DERL2: variants seen among roughly 807,000 people sequenced by gnomAD.
DERL2 encodes derlin-2.
In DERL2, 13 loss-of-function variants were observed where a neutral mutation model predicts 32.0. The ratio of observed to expected loss-of-function variants is 0.41; its 90% CI spans 0.26 to 0.65. The LOEUF (loss-of-function observed/expected upper bound fraction) is 0.65. Among genes scored for constraint, DERL2 ranks in the 30% least tolerant of loss-of-function variants. DERL2 has a pLI of 0.35. For missense variants in DERL2, 208 were observed against 296.3 expected, an observed-to-expected ratio of 0.70 and a Z score of 2.19; for synonymous variants, 111 against 104.7, an observed-to-expected ratio of 1.06 and a Z score of -0.37.
chr17:5,482,492 T>C (rs1221007037), intron 3 of DERL2: 2 of 217,764 alleles, frequency 9.2e-6, no homozygotes, highest in Non-Finnish European at 1.8e-5. Context: ...TGCATTCAGG[T>C]TGTTTTACGG....
chr17:5,481,444 T>C lies in DERL2; in HGVS notation c.234-55A>G, dbSNP rs1301045529. The C allele has an allele frequency of 4.1e-6, 5 of 1,230,024 alleles. No homozygotes were observed. The highest frequency in any genetic ancestry group is 6.0e-6 in the Non-Finnish European group (5 of 837,398). 76.2% of individuals were successfully genotyped at this position (1,230,024 alleles called of 1,614,324 possible). A position where few individuals can be genotyped will look rare whatever the true frequency, so the allele number is the denominator to read the frequency against. ...CACACGAATATGAACAAAGTAAAAA[T>C]TTAATGTTATCTTGTAAGTACACTT... is the stretch of plus-strand genomic sequence containing the variant. On this transcript the variant is annotated intron_variant, in intron 3 of 6. Coordinates refer to ENST00000158771, the MANE Select transcript of DERL2 (RefSeq NM_016041.5). This position sits in a 1 kb window ranked among gnomAD's most constrained non-coding sequence, Gnocchi z 4.4.
chr17:5,480,156 C>A lies in DERL2; in HGVS notation c.524-12G>T. 2 of 1,559,432 alleles carry A rather than the reference C, an allele frequency of 1.3e-6. No homozygotes were observed. The highest frequency in any genetic ancestry group is 1.8e-6 in the Non-Finnish European group (2 of 1,134,670). ...TCCAACTGCAATACCTAGAGTCAAG[C>A]AGAAATAAAGGATGAGGGAGAGAAT... On this transcript the variant is annotated splice_polypyrimidine_tract_variant and intron_variant, in intron 5 of 6. Coordinates refer to ENST00000158771, the MANE Select transcript of DERL2 (RefSeq NM_016041.5).
At chr17:5,479,969 G>C in intron 6 of DERL2, 85 bp downstream of exon 6, 2 of 806,982 alleles carry the variant, frequency 2.5e-6, no homozygotes, top group Non-Finnish European at 4.2e-6. Flanking sequence ...TGTGTACTAG[G>C]AGCTAGGGGA....
chr17:5,485,899 A>C, intron 1 of DERL2, 170 bp downstream of exon 1: 1 of 495,854 alleles, frequency 2.0e-6, no homozygotes, highest in South Asian at 3.7e-5. Context: ...TTCTCGCGTC[A>C]CTGGATAAGC....
intron 6 of DERL2, among the ~76,000 whole-genome samples, chr17:5,478,245 T>G (rs999440046): frequency 1.3e-5 from 2 of 151,932 alleles, no homozygotes; most frequent in Non-Finnish European, 2.9e-5. Flanking sequence ...CTTGGTGGTG[T>G]GCACCTGTAG....
chr17:5,476,931 C>T (rs543161819), intron 6 of DERL2, among the ~76,000 whole-genome samples: 71 of 152,196 alleles, frequency 4.7e-4, no homozygotes, highest in African/African-American at 1.5e-3. Context: ...GATGTTAGCC[C>T]GAGTAGGATG....
chr17:5,476,915 T>C (rs1006620911), intron 6 of DERL2, among the ~76,000 whole-genome samples: 2 of 152,188 alleles, frequency 1.3e-5, no homozygotes, highest in Non-Finnish European at 2.9e-5. Context: ...GGAGGTGGCC[T>C]GACGAGATGT....
chr17:5,473,849 A>G lies in DERL2; in HGVS notation c.*835T>C, dbSNP rs552388200. ...ATAAAAGAAAAAAAAAGTCTAATGA[A>G]AATCTTCCTAGTTTTACAAAAATGT... On this transcript the variant is annotated 3_prime_UTR_variant, in exon 7 of 7. Coordinates refer to ENST00000158771, the MANE Select transcript of DERL2 (RefSeq NM_016041.5). 3 of 152,252 alleles carry G rather than the reference A, an allele frequency of 2.0e-5. No individual in the cohort carries two copies. The highest frequency in any genetic ancestry group is 7.2e-5 in the African/African-American group (3 of 41,546). The allele number at this position is 152,252 out of a possible 1,614,324, so 9.4% of individuals were successfully genotyped here. A position where few individuals can be genotyped will look rare whatever the true frequency, so the allele number is the denominator to read the frequency against.
rs751485746 is a variant in DERL2, at chr17:5,486,148, C to T, written c.14G>A (p.Ser5Asn). The T allele has an allele frequency of 6.2e-6, 10 of 1,609,480 alleles. No homozygotes were observed. Among genetic ancestry groups the T allele is most frequent in the Non-Finnish European group, 8.5e-6 (10 of 1,178,026 alleles). MAYQ[S>N]LRLEYLQIPP... ...GATCTGCAGGTACTCCAGCCGCAAG[C>T]TCTGGTACGCCATCTTCCCCACCGT... The change falls in exon 1 of 7, where the codon AGC (serine) becomes AAC (asparagine). Residue 5 changes from serine to asparagine, a missense_variant. Transcript: ENST00000158771.
At chr17:5,477,412 T>C (rs1567610531) in intron 6 of DERL2, among the ~76,000 whole-genome samples, 3 of 152,240 alleles carry the variant, frequency 2.0e-5, no homozygotes, top group Non-Finnish European at 2.9e-5. Flanking sequence ...GGTAATTTTC[T>C]GTCTTGATAG....
chr17:5,485,067 G>A, intron 2 of DERL2, 84 bp downstream of exon 2: 1 of 961,096 alleles, frequency 1.0e-6, no homozygotes. Flanking sequence ...TCTTTTTTAG[G>A]ATAGTGTATA....
chr17:5,473,646 A>G lies in DERL2; in HGVS notation c.*1038T>C, dbSNP rs1184191233. 9.2e-6 allele frequency: 1 copy of G among 108,928 alleles called. No homozygotes were observed. Among genetic ancestry groups the G allele is most frequent in the Non-Finnish European group, 1.7e-5 (1 of 59,484 alleles). The allele number at this position is 108,928 out of a possible 1,614,324, so 6.7% of individuals were successfully genotyped here. A position where few individuals can be genotyped will look rare whatever the true frequency, so the allele number is the denominator to read the frequency against. ...AAAAAAACAAAAAACAAAACAAAAC[A>G]AAAAAGGCAAAAAAAAAAAAAATGG... is the stretch of plus-strand genomic sequence containing the variant. On this transcript the variant is annotated 3_prime_UTR_variant, in exon 7 of 7. Transcript: ENST00000158771.
intron 6 of DERL2, among the ~76,000 whole-genome samples, chr17:5,478,857 T>C (rs1905567528): frequency 6.6e-6 from 1 of 152,184 alleles, no homozygotes; most frequent in African/African-American, 2.4e-5. Flanking sequence ...TGCCACTCTG[T>C]CCCCCAGCCC....
Position 5,480,861 on chromosome 17 carries a change from T to C in DERL2, c.328-279A>G, listed in dbSNP as rs187970288. 8.3e-4 allele frequency: 378 copies of C among 455,542 alleles called. 1 individual carries two copies. The highest frequency in any genetic ancestry group is 6.6e-3 in the African/African-American group (322 of 49,040). 28.2% of individuals were successfully genotyped at this position (455,542 alleles called of 1,614,324 possible). A position where few individuals can be genotyped will look rare whatever the true frequency, so the allele number is the denominator to read the frequency against. On this transcript the variant is annotated intron_variant, in intron 4 of 6. Transcript: ENST00000158771. ...GAAAATGTGTTAATTCTTCAGTCAATAATTATATTAAAGCTTGCTCACGAT... is the reference window on the plus strand; with the variant it reads ...GAAAATGTGTTAATTCTTCAGTCAACAATTATATTAAAGCTTGCTCACGAT...
At chr17:5,476,446 G>A (rs1240963746) in intron 6 of DERL2, among the ~76,000 whole-genome samples, 1 of 152,162 alleles carries the variant, frequency 6.6e-6, no homozygotes, top group Non-Finnish European at 1.5e-5. Flanking sequence ...CAATAAACGT[G>A]AGAATGTTTG....
chr17:5,474,146 G>GT lies in DERL2; in HGVS notation c.*537dup, dbSNP rs1355451603. On this transcript the variant is annotated 3_prime_UTR_variant, in exon 7 of 7. Transcript: ENST00000158771. The surrounding 1 kb of genome is among the most constrained non-coding windows in gnomAD (Gnocchi z 4.3). ...TACACAACCACAGCATGACAGCCACGTATTTCCAATCCTGAAATGAAATCC... is the reference window on the plus strand; with the variant it reads ...TACACAACCACAGCATGACAGCCACGTTATTTCCAATCCTGAAATGAAATCC... 1 of 152,192 alleles carries GT rather than the reference G, an allele frequency of 6.6e-6. No individual in the cohort carries two copies. 9.4% of individuals were successfully genotyped at this position (152,192 alleles called of 1,614,324 possible). A position where few individuals can be genotyped will look rare whatever the true frequency, so the allele number is the denominator to read the frequency against.
chr17:5,475,405 G>A (rs909094474), intron 6 of DERL2, among the ~76,000 whole-genome samples: 8 of 151,638 alleles, frequency 5.3e-5, no homozygotes, highest in Admixed American at 3.9e-4. Context: ...GATTACAGGC[G>A]CCCGCCACCA....
chr17:5,480,619 A>C (rs1905713272), intron 4 of DERL2, 37 bp from the exon 5 acceptor site: 3 of 1,443,528 alleles, frequency 2.1e-6, no homozygotes, highest in Non-Finnish European at 2.7e-6. Context: ...CAACATTAAA[A>C]GTTTAATAGG....
chr17:5,471,537 G>T lies in DERL2; in HGVS notation c.*3147C>A, dbSNP rs1050382127. On this transcript the variant is annotated 3_prime_UTR_variant, in exon 7 of 7. Coordinates refer to ENST00000158771, the MANE Select transcript of DERL2 (RefSeq NM_016041.5). ...GATTTTTTGAGGAATCAGGAACAAG[G>T]CCAGGCCTTGAAGAACTGAAGAGAC... is the stretch of plus-strand genomic sequence containing the variant. 1 of 152,188 alleles carries T rather than the reference G, an allele frequency of 6.6e-6. No homozygotes were observed. Among genetic ancestry groups the T allele is most frequent in the Non-Finnish European group, 1.5e-5 (1 of 68,038 alleles). 9.4% of individuals were successfully genotyped at this position (152,188 alleles called of 1,614,324 possible). A position where few individuals can be genotyped will look rare whatever the true frequency, so the allele number is the denominator to read the frequency against.
Sources: gnomAD v4.1 joint callset for allele counts (sites outside exome capture counted in the v4.1 genomes callset) on GRCh38, gnomAD v4.1.1 for gene constraint, Gnocchi (gnomAD v3.1) non-coding constraint, MANE v1.5 for transcripts, NCBI Gene and HGNC (gene_info 2026-07-23, HGNC 2026-07-21) for gene names.